The following SMG6 variants were observed in gnomAD, a reference collection of about 807,000 sequenced individuals.
SMG6 encodes the protein telomerase-binding protein EST1A.
In SMG6, 66 loss-of-function variants were observed where a neutral mutation model predicts 142.2. The ratio of observed to expected loss-of-function variants is 0.46; its 90% CI spans 0.38 to 0.57. The LOEUF is 0.57. SMG6 is among the 20% of genes least tolerant of loss of function. The pLI, the probability that SMG6 is intolerant of heterozygous loss-of-function variation, is 0.00. For synonymous variants in SMG6, 779 were observed against 702.4 expected (o/e 1.11, Z -1.72); for missense variants, 1,793 against 1,832.0 (o/e 0.98, Z 0.39).
Position 2,104,015 on chromosome 17 carries a change from G to A in SMG6, c.3358-18114C>T, listed in dbSNP as rs140206052. Among the ~76,000 whole-genome samples, 1,030 of 150,614 alleles carry A rather than the reference G, an allele frequency of 6.8e-3. 3 individuals are homozygous for A. Among genetic ancestry groups the A allele is most frequent in the Non-Finnish European group, 0.011 (725 of 67,814 alleles). ...AGCCCAGGCAGGAGTGTAATGGCAC[G>A]ATCTCAGCTCACTGCAACCTCTGCT... is the stretch of plus-strand genomic sequence containing the variant. On this transcript the variant is annotated intron_variant, in intron 13 of 18. Coordinates refer to ENST00000263073, the MANE Select transcript of SMG6 (RefSeq NM_017575.5).
At chr17:2,162,356 T>TA (rs1291041864) in intron 13 of SMG6, among the ~76,000 whole-genome samples, 1 of 150,506 alleles carries the variant, frequency 6.6e-6, no homozygotes, top group Non-Finnish European at 1.5e-5. Context: ...ACTAAAAATA[T>TA]AAAAAAAATT....
intron 10 of SMG6, among the ~76,000 whole-genome samples, chr17:2,194,697 GAAAAC>G (rs1381126905): frequency 1.1e-5 from 1 of 87,802 alleles, no homozygotes; most frequent in Non-Finnish European, 2.4e-5. Flanking sequence ...CAAAAGAAAA[GAAAAC>G]AAAACAAAAC....
chr17:2,117,932 T>C (rs1000020564), intron 13 of SMG6, among the ~76,000 whole-genome samples: 2 of 152,224 alleles, frequency 1.3e-5, no homozygotes, highest in Non-Finnish European at 2.9e-5. Flanking sequence ...TTAGTTCTTA[T>C]ATTACACCAT....
intron 10 of SMG6, among the ~76,000 whole-genome samples, chr17:2,230,756 C>A (rs1472969146): frequency 6.6e-6 from 1 of 152,190 alleles, no homozygotes; most frequent in Non-Finnish European, 1.5e-5. Context: ...GAGGGCAGAG[C>A]TGAAGCATGC....
chr17:2,121,319 G>A (rs2069681013), intron 13 of SMG6, among the ~76,000 whole-genome samples: 1 of 152,102 alleles, frequency 6.6e-6, no homozygotes, highest in Non-Finnish European at 1.5e-5. Flanking sequence ...AAAAAGGAGT[G>A]AGCTACTAAT....
At chr17:2,291,134 A>G (rs931445444) in intron 6 of SMG6, among the ~76,000 whole-genome samples, 11 of 152,190 alleles carry the variant, frequency 7.2e-5, no homozygotes, top group Non-Finnish European at 1.5e-4. Flanking sequence ...GGTCGAGACC[A>G]TCCTGGCTAA....
chr17:2,258,251 C>A (rs1166480386), intron 8 of SMG6, among the ~76,000 whole-genome samples: 37 of 151,818 alleles, frequency 2.4e-4, no homozygotes, highest in Admixed American at 2.4e-3. Context: ...CTTTATTTCT[C>A]GCCTTTTAAA....
intron 13 of SMG6, chr17:2,088,372 G>T (rs2068623556): frequency 3.0e-6 from 3 of 985,426 alleles, no homozygotes; most frequent in Non-Finnish European, 3.6e-6. Context: ...CTTCCTTACA[G>T]GGTCTGTGGG....
chr17:2,278,327 C>T (rs987553640), intron 8 of SMG6, among the ~76,000 whole-genome samples: 3 of 151,896 alleles, frequency 2.0e-5, no homozygotes, highest in Admixed American at 6.6e-5. Context: ...CTCAGCCTCC[C>T]GAGTAGCTGG....
chr17:2,082,665 C>T (rs1041840988), intron 14 of SMG6, among the ~76,000 whole-genome samples: 1 of 152,248 alleles, frequency 6.6e-6, no homozygotes, highest in Admixed American at 6.5e-5. Flanking sequence ...CACCTCCCTA[C>T]TTGCAGCCTC....
At chr17:2,221,623 C>A (rs576987709) in intron 10 of SMG6, among the ~76,000 whole-genome samples, 40 of 152,338 alleles carry the variant, frequency 2.6e-4, no homozygotes, top group African/African-American at 9.4e-4. Context: ...GGAAATTATG[C>A]TTTCAAGAAA....
chr17:2,083,388 CTG>C (rs755859390), intron 14 of SMG6, among the ~76,000 whole-genome samples: 2 of 152,198 alleles, frequency 1.3e-5, no homozygotes, highest in Non-Finnish European at 2.9e-5. Context: ...AGCGACTAAA[CTG>C]TGTTCTATTC....
At chr17:2,097,145 T>TTTTTC (rs368044573) in intron 13 of SMG6, among the ~76,000 whole-genome samples, 12,100 of 151,478 alleles carry the variant, frequency 0.08, 1,019 homozygotes, top group African/African-American at 0.22. Context: ...AAATATATAA[T>TTTTTC]TTTTCTTTTC....
intron 8 of SMG6, among the ~76,000 whole-genome samples, chr17:2,278,484 C>T (rs940242291): frequency 1.3e-5 from 2 of 152,192 alleles, no homozygotes; most frequent in African/African-American, 4.8e-5. Flanking sequence ...GCATTACAAG[C>T]GTGAGCCACC....
At chr17:2,158,891 G>A (rs1024674132) in intron 13 of SMG6, among the ~76,000 whole-genome samples, 34 of 110,880 alleles carry the variant, frequency 3.1e-4, no homozygotes, top group Admixed American at 7.8e-4. Context: ...TGCTGTTCAA[G>A]ACTATGTTTA....
chr17:2,258,054 C>CAT lies in SMG6; in HGVS notation c.2662-13336_2662-13335insAT, dbSNP rs1298681965. On this transcript the variant is annotated intron_variant, in intron 8 of 18. Transcript: ENST00000263073. ...AAAAAAATATACACACACACACACACACACACACACACATATATATACATA... is the reference window on the plus strand; with the variant it reads ...AAAAAAATATACACACACACACACACATACACACACACACATATATATACATA... Among the ~76,000 whole-genome samples, 12 of 98,044 alleles carry CAT rather than the reference C, an allele frequency of 1.2e-4. 1 individual carries two copies. Among genetic ancestry groups the CAT allele is most frequent in the East Asian group, 5.1e-4 (2 of 3,952 alleles). 64.3% of individuals were successfully genotyped at this position (98,044 alleles called of 152,430 possible).
chr17:2,207,670 G>T (rs923747922), intron 10 of SMG6, among the ~76,000 whole-genome samples: 1 of 152,130 alleles, frequency 6.6e-6, no homozygotes, highest in Non-Finnish European at 1.5e-5. Flanking sequence ...GAATTGTCTA[G>T]ATTGTAAAAT....
At chr17:2,224,735 C>CCAAA (rs2073268741) in intron 10 of SMG6, among the ~76,000 whole-genome samples, 1 of 152,104 alleles carries the variant, frequency 6.6e-6, no homozygotes, top group Admixed American at 6.5e-5. Flanking sequence ...AACCAACCAA[C>CCAAA]CAACCAACCA....
intron 13 of SMG6, among the ~76,000 whole-genome samples, chr17:2,099,219 C>T (rs893158715): frequency 6.6e-6 from 1 of 152,012 alleles, no homozygotes; most frequent in Non-Finnish European, 1.5e-5. Flanking sequence ...AATCATGCTC[C>T]CCGAAGCTGT....
Sources: gnomAD v4.1 joint callset for allele counts (sites outside exome capture counted in the v4.1 genomes callset) on GRCh38, gnomAD v4.1.1 for gene constraint, MANE v1.5 for transcripts, NCBI Gene and HGNC (gene_info 2026-07-23, HGNC 2026-07-21) for gene names.